NCAPD2: variants seen among roughly 807,000 people sequenced by gnomAD.
NCAPD2 encodes the protein condensin complex subunit 1.
In NCAPD2, 100 loss-of-function variants were observed where a neutral mutation model predicts 164.5. The ratio of observed to expected loss-of-function variants is 0.61; its 90% confidence interval spans 0.52 to 0.72. The LOEUF (loss-of-function observed/expected upper bound fraction) is 0.72. NCAPD2 is among the 30% of genes least tolerant of loss of function. NCAPD2 has a pLI of 0.00. For missense variants in NCAPD2, 1,560 were observed against 1,749.2 expected, an observed-to-expected ratio of 0.89 and a Z score of 1.93; for synonymous variants, 585 against 642.6, an observed-to-expected ratio of 0.91 and a Z score of 1.36.
Position 6,517,948 on chromosome 12 carries a change from A to G in NCAPD2, c.1578A>G (p.Lys526=). 6.2e-7 allele frequency: 1 copy of G among 1,613,734 alleles called. No homozygotes were observed. The highest frequency in any genetic ancestry group is 8.5e-7 in the Non-Finnish European group (1 of 1,179,988). Reference sequence around the variant, plus strand: ...GACGCATCTATCAACTGCTTGCCAAAGCTAGTTACAAGTAGGCAAAAGAAT... The same window carrying G: ...GACGCATCTATCAACTGCTTGCCAAGGCTAGTTACAAGTAGGCAAAAGAAT... ...VKGRIYQLLA[K]ASYKKAIILT... Residue 526 remains lysine, a synonymous_variant, in exon 13 of 32, where the codon AAA becomes AAG. Coordinates refer to ENST00000315579, the MANE Select transcript of NCAPD2 (RefSeq NM_014865.4).
chr12:6,503,777 T>C (rs1239318142), intron 2 of NCAPD2, among the ~76,000 whole-genome samples: 1 of 147,052 alleles, frequency 6.8e-6, no homozygotes, highest in Non-Finnish European at 1.5e-5. Context: ...TCTATTTTTT[T>C]TTTTTTTTTA....
intron 2 of NCAPD2, among the ~76,000 whole-genome samples, chr12:6,495,830 G>A (rs1687953905): frequency 6.6e-6 from 1 of 152,140 alleles, no homozygotes. Flanking sequence ...CTGGAGCCAG[G>A]CTGCCTGGAT....
chr12:6,518,504 G>GTTTTTTGTTTTTTTTTT (rs1946226490), intron 13 of NCAPD2, among the ~76,000 whole-genome samples: 3 of 44,774 alleles, frequency 6.7e-5, no homozygotes, highest in African/African-American at 3.1e-4. Flanking sequence ...CCGTCAACAA[G>GTTTTTTGTTTTTTTTTT]TTTTTTTTTT....
At chr12:6,504,182 CATATATATATAT>C (rs1176237960) in intron 2 of NCAPD2, among the ~76,000 whole-genome samples, 9 of 57,762 alleles carry the variant, frequency 1.6e-4, no homozygotes, top group Non-Finnish European at 2.5e-4. Flanking sequence ...TATATATATA[CATATATATATAT>C]ATATATATAT....
At chr12:6,522,751 A>T (rs1337816095) in intron 15 of NCAPD2, 77 bp from the exon 16 acceptor site, 13 of 1,523,738 alleles carry the variant, frequency 8.5e-6, no homozygotes, top group Non-Finnish European at 1.2e-5. Flanking sequence ...ATCTTGCTAC[A>T]TTCAGAAAGG....
chr12:6,528,379 G>A lies in NCAPD2; in HGVS notation c.3299+51G>A. 1 of 1,606,814 alleles carries A rather than the reference G, an allele frequency of 6.2e-7. No homozygotes were observed. The highest frequency in any genetic ancestry group is 8.5e-7 in the Non-Finnish European group (1 of 1,175,290). ...GCAGTTCCCAGGAGCCCCGGAGTCT[G>A]TTGAGAGTCAGTGTGAGAATCACCA... On this transcript the variant is annotated intron_variant, in intron 25 of 31. Coordinates refer to ENST00000315579, the MANE Select transcript of NCAPD2 (RefSeq NM_014865.4). This position sits in a 1 kb window ranked among gnomAD's most constrained non-coding sequence, Gnocchi z 5.1.
intron 29 of NCAPD2, 93 bp from the exon 30 acceptor site, chr12:6,530,598 G>C (rs1191823041): frequency 1.3e-6 from 2 of 1,532,918 alleles, no homozygotes; most frequent in Non-Finnish European, 1.8e-6. Context: ...AGTAATGTGC[G>C]TTTAAGGCCT....
In NCAPD2 at chr12:6,510,083, G is replaced by T; in HGVS notation, c.212G>T (p.Arg71Leu). The T allele has an allele frequency of 6.2e-7, 1 of 1,613,038 alleles. No homozygotes were observed. The highest frequency in any genetic ancestry group is 8.5e-7 in the Non-Finnish European group (1 of 1,179,006). ...CTTTCTTTCCCTCATAGTCACTTTCGAAGTATAGATCCTGGCCTCAAAGAA... is the reference window on the plus strand; with the variant it reads ...CTTTCTTTCCCTCATAGTCACTTTCTAAGTATAGATCCTGGCCTCAAAGAA... ...DTIYSILHHF[R>L]SIDPGLKEDT... The change falls in exon 4 of 32, where the codon CGA (arginine) becomes CTA (leucine). Residue 71 changes from arginine to leucine, a missense_variant. Transcript: ENST00000315579.
chr12:6,504,226 T>C (rs1451829402), intron 2 of NCAPD2, among the ~76,000 whole-genome samples: 887 of 61,786 alleles, frequency 0.014, 1 homozygote, highest in Non-Finnish European at 0.023. Context: ...TAGATATAGA[T>C]ATATATATAT....
At chr12:6,504,170 C>CATAT (rs1360372868) in intron 2 of NCAPD2, among the ~76,000 whole-genome samples, 1 of 121,128 alleles carries the variant, frequency 8.3e-6, no homozygotes, top group East Asian at 2.4e-4. Flanking sequence ...TCAGTTTTGA[C>CATAT]ATATATATAT....
At position 6,527,795 on chromosome 12, in the gene NCAPD2, A is replaced by G. The variant is rs747923932; in HGVS notation, c.2926A>G (p.Thr976Ala). Residue 976 changes from threonine (T) to alanine (A), a missense_variant, in exon 23 of 32, where the codon ACC becomes GCC. Thr to Ala is a moderately conservative substitution (Grantham distance 58). Coordinates refer to ENST00000315579, the MANE Select transcript of NCAPD2 (RefSeq NM_014865.4). ...PKEKNTSSETTMEEELGLVGA... is the reference protein window; with the variant it reads ...PKEKNTSSETAMEEELGLVGA... ...CCTTTAGAATACGAGCTCTGAGACC[A>G]CCATGGAGGAGGAGCTGGGGCTGGT... The G allele has an allele frequency of 1.2e-6, 2 of 1,612,906 alleles. No individual in the cohort carries two copies. Among genetic ancestry groups the G allele is most frequent in the African/African-American group, 2.7e-5 (2 of 74,898 alleles).
At chr12:6,494,321 GC>G (rs1945954861) in intron 1 of NCAPD2, among the ~76,000 whole-genome samples, 167 bp downstream of exon 1, 3 of 51,618 alleles carry the variant, frequency 5.8e-5, no homozygotes, top group African/African-American at 1.2e-4. Context: ...TAAGCAAATC[GC>G]TTAACAGATC....
rs1192579986 is a variant in NCAPD2 at position 6,521,930 on chromosome 12, A to G, written c.1847A>G (p.Lys616Arg). ...TCCAGGGGAAATGATGAACTAGTGAAGCAGGAGATGCTGGTACAGTATCTG... is the reference window on the plus strand; with the variant it reads ...TCCAGGGGAAATGATGAACTAGTGAGGCAGGAGATGCTGGTACAGTATCTG... ...EESRGNDELV[K>R]QEMLVQYLQD... Residue 616 changes from lysine to arginine, a missense_variant, in exon 15 of 32, where the codon AAG becomes AGG. Coordinates refer to ENST00000315579, the MANE Select transcript of NCAPD2 (RefSeq NM_014865.4). 6.2e-7 allele frequency: 1 copy of G among 1,614,176 alleles called. No homozygotes were observed. The highest frequency in any genetic ancestry group is 1.3e-5 in the African/African-American group (1 of 75,038).
At chr12:6,507,494 G>A (rs1006323682) in intron 2 of NCAPD2, among the ~76,000 whole-genome samples, 3 of 152,248 alleles carry the variant, frequency 2.0e-5, no homozygotes, top group Admixed American at 2.0e-4. Flanking sequence ...AAAGGGGCAC[G>A]AGAGCCTTTA....
chr12:6,522,568 G>A (rs7342383), intron 15 of NCAPD2, among the ~76,000 whole-genome samples: 1,633 of 149,578 alleles, frequency 0.011, 34 homozygotes, highest in African/African-American at 0.038. Context: ...CGGAGCAACA[G>A]AATAAGAACC....
chr12:6,514,626 CT>C, intron 8 of NCAPD2, 39 bp downstream of exon 8: 1 of 1,613,106 alleles, frequency 6.2e-7, no homozygotes, highest in Non-Finnish European at 8.5e-7. Context: ...GCTTATTTTC[CT>C]TGGGGAGGGA....
At chr12:6,510,217 TG>T in intron 4 of NCAPD2, 84 bp downstream of exon 4, 5 of 1,384,264 alleles carry the variant, frequency 3.6e-6, no homozygotes, top group Non-Finnish European at 5.1e-6. Flanking sequence ...TCCTACATTT[TG>T]TCAGCCACAT....
Position 6,531,174 on chromosome 12 carries a change from G to A in NCAPD2, c.4120+98G>A, listed in dbSNP as rs1946369644. The A allele has an allele frequency of 2.6e-6, 4 of 1,527,788 alleles. No homozygotes were observed. Among genetic ancestry groups the A allele is most frequent in the South Asian group, 1.2e-5 (1 of 84,778 alleles). The allele number at this position is 1,527,788 out of a possible 1,614,324, so 94.6% of individuals were successfully genotyped here. A position where few individuals can be genotyped will look rare whatever the true frequency, so the allele number is the denominator to read the frequency against. On this transcript the variant is annotated intron_variant, in intron 31 of 31. Coordinates refer to ENST00000315579, the MANE Select transcript of NCAPD2 (RefSeq NM_014865.4). The surrounding 1 kb of genome is among the most constrained non-coding windows in gnomAD (Gnocchi z 4.1). ...CTGCTGCGGGGGCCTGAGTGTAGATGCTCTGCCCCACTGCCGCAGAAGGGC... is the reference window on the plus strand; with the variant it reads ...CTGCTGCGGGGGCCTGAGTGTAGATACTCTGCCCCACTGCCGCAGAAGGGC...
At chr12:6,521,204 A>T (rs1371105051) in intron 14 of NCAPD2, 94 bp downstream of exon 14, 2 of 1,467,808 alleles carry the variant, frequency 1.4e-6, no homozygotes, top group Non-Finnish European at 1.9e-6. Flanking sequence ...GGTTAACAGA[A>T]CCTGGTGCTG....
Sources: gnomAD v4.1 joint callset for allele counts (sites outside exome capture counted in the v4.1 genomes callset) on GRCh38, gnomAD v4.1.1 for gene constraint, Gnocchi (gnomAD v3.1) non-coding constraint, MANE v1.5 for transcripts, NCBI Gene and HGNC (gene_info 2026-07-23, HGNC 2026-07-21) for gene names.